The following SIK3 variants were observed in gnomAD, a reference collection of about 807,000 sequenced individuals.
SIK3 encodes the protein SIK family kinase 3.
Under a neutral mutation model 144.2 loss-of-function variants are expected in SIK3, and 28 were observed. The observed-to-expected ratio is 0.19, with a 90% CI of 0.14 to 0.27. SIK3 has a LOEUF of 0.27. Ranked by LOEUF, SIK3 falls within the 10% of genes least tolerant of loss-of-function variation. SIK3 has a pLI of 1.00. For synonymous variants in SIK3, 686 were observed against 676.3 expected, an observed-to-expected ratio of 1.01 and a Z score of -0.22; for missense variants, 1,319 against 1,776.0, an observed-to-expected ratio of 0.74 and a Z score of 4.62.
intron 1 of SIK3, among the ~76,000 whole-genome samples, chr11:117,092,291 AC>A (rs1955283311): frequency 6.6e-6 from 1 of 152,020 alleles, no homozygotes; most frequent in Non-Finnish European, 1.5e-5. Flanking sequence ...CTTTGACCAA[AC>A]CAAACTCACT....
At chr11:117,035,128 A>C (rs1952438402) in intron 1 of SIK3, among the ~76,000 whole-genome samples, 1 of 152,142 alleles carries the variant, frequency 6.6e-6, no homozygotes, top group Non-Finnish European at 1.5e-5. Flanking sequence ...CTTTTTTCAA[A>C]CAATAGGCTA....
chr11:116,980,547 C>T (rs1012940982), intron 1 of SIK3, among the ~76,000 whole-genome samples: 23 of 152,146 alleles, frequency 1.5e-4, no homozygotes, highest in African/African-American at 4.3e-4. Context: ...TTCACACCAT[C>T]GTAAAGTTGA....
At chr11:117,053,269 G>A (rs773268574) in intron 1 of SIK3, among the ~76,000 whole-genome samples, 4 of 151,534 alleles carry the variant, frequency 2.6e-5, no homozygotes, top group Admixed American at 6.6e-5. Flanking sequence ...CCCAGGAGGC[G>A]GAGGTCACAG....
chr11:116,998,005 G>A (rs887535369), intron 1 of SIK3, among the ~76,000 whole-genome samples: 7 of 151,900 alleles, frequency 4.6e-5, no homozygotes, highest in African/African-American at 1.2e-4. Flanking sequence ...GACTACAGGT[G>A]CACACCACCC....
intron 1 of SIK3, among the ~76,000 whole-genome samples, chr11:117,067,533 G>A (rs1954075348): frequency 6.6e-6 from 1 of 152,164 alleles, no homozygotes; most frequent in Non-Finnish European, 1.5e-5. Flanking sequence ...GAGAATGAAT[G>A]CAAACAGTGC....
Position 116,974,556 on chromosome 11 carries a change from C to CTGTTTGTT in SIK3, c.274-17500_274-17493dup, listed in dbSNP as rs141350559. 1.6e-4 allele frequency among the ~76,000 whole-genome samples: 25 copies of CTGTTTGTT among 151,882 alleles called. No individual in the cohort carries two copies. In the South Asian group the frequency reaches 4.6e-3, roughly 28 times the overall value. On this transcript the variant is annotated intron_variant, in intron 1 of 24. Transcript: ENST00000445177. The stretch of plus-strand genomic sequence containing the variant: ...CAGGCATGTGCCACCATAGGGGTTT[C>CTGTTTGTT]TGTTTGTTTGTTTGTTTGTTTTTGT...
rs1244228329 is a variant in SIK3, at chr11:116,954,034, A to G, written c.454+10T>C. On this transcript the variant is annotated intron_variant, in intron 3 of 24. Coordinates refer to ENST00000445177, the MANE Select transcript of SIK3 (RefSeq NM_001366686.3). ...AATAGCTGTTTAAAGAATGCAATAA[A>G]TGTACTTACCAAATATTTCCCCTCC... 1 of 1,611,938 alleles carries G rather than the reference A, an allele frequency of 6.2e-7. No individual in the cohort carries two copies. The highest frequency in any genetic ancestry group is 1.1e-5 in the South Asian group (1 of 90,986).
At chr11:116,944,693 C>G (rs1948490579) in intron 3 of SIK3, among the ~76,000 whole-genome samples, 2 of 152,180 alleles carry the variant, frequency 1.3e-5, no homozygotes, top group African/African-American at 4.8e-5. Flanking sequence ...TATCCTTTAC[C>G]TGTATTAAAC....
intron 22 of SIK3, among the ~76,000 whole-genome samples, chr11:116,848,086 T>G (rs7127590): frequency 0.79 from 120,369 of 152,066 alleles, 48,319 homozygotes; most frequent in Non-Finnish European, 0.84. Flanking sequence ...AGGCTGAGGC[T>G]GGTGGATCAT....
At chr11:116,908,064 C>T (rs1236658297) in intron 4 of SIK3, among the ~76,000 whole-genome samples, 1 of 150,532 alleles carries the variant, frequency 6.6e-6, no homozygotes, top group Non-Finnish European at 1.5e-5. Flanking sequence ...ACAAAAAGTG[C>T]TAATCATAAA....
At chr11:117,058,965 T>A (rs1953677600) in intron 1 of SIK3, among the ~76,000 whole-genome samples, 2 of 152,166 alleles carry the variant, frequency 1.3e-5, no homozygotes, top group Non-Finnish European at 1.5e-5. Flanking sequence ...AGTGACCAAT[T>A]ATGGCATCCA....
intron 6 of SIK3, among the ~76,000 whole-genome samples, chr11:116,881,092 C>T (rs764253315): frequency 6.6e-6 from 1 of 152,016 alleles, no homozygotes; most frequent in African/African-American, 2.4e-5. Flanking sequence ...CCACTGCACT[C>T]CAGCCTGGGC....
At chr11:116,973,968 A>G (rs1949856809) in intron 1 of SIK3, among the ~76,000 whole-genome samples, 1 of 152,230 alleles carries the variant, frequency 6.6e-6, no homozygotes, top group South Asian at 2.1e-4. Context: ...TGACACAGAA[A>G]AAGGACATTT....
At chr11:117,077,489 T>G (rs1954602920) in intron 1 of SIK3, among the ~76,000 whole-genome samples, 2 of 152,226 alleles carry the variant, frequency 1.3e-5, no homozygotes, top group East Asian at 1.9e-4. Context: ...ATTTGCTGAC[T>G]CTTTCTTTTC....
intron 1 of SIK3, among the ~76,000 whole-genome samples, chr11:117,010,293 T>C (rs1951202658): frequency 1.3e-5 from 2 of 152,286 alleles, no homozygotes; most frequent in South Asian, 4.1e-4. Flanking sequence ...GCATGAGTAA[T>C]GAAGGTTTTA....
At chr11:116,977,089 T>C (rs957250552) in intron 1 of SIK3, among the ~76,000 whole-genome samples, 5 of 152,160 alleles carry the variant, frequency 3.3e-5, no homozygotes, top group African/African-American at 9.7e-5. Flanking sequence ...ATCATTATTT[T>C]CCCAAAGCCA....
In SIK3 at chr11:116,902,849, C is replaced by T. The variant is rs113125918; in HGVS notation, c.617-5532G>A. On this transcript the variant is annotated intron_variant, in intron 4 of 24. Transcript: ENST00000445177. ...CAGATTCCTTTAATTACTGAGCCTG[C>T]GGTATCCTAATTCTTTCTTTAACGT... is the stretch of plus-strand genomic sequence containing the variant. 4.9e-3 allele frequency among the ~76,000 whole-genome samples: 743 copies of T among 152,236 alleles called. 12 individuals carry two copies. The highest frequency in any genetic ancestry group is 0.016 in the African/African-American group (679 of 41,536).
intron 14 of SIK3, chr11:116,869,286 G>C (rs1032681529): frequency 6.6e-6 from 1 of 152,254 alleles, no homozygotes; most frequent in African/African-American, 2.4e-5. Flanking sequence ...TTCCACATAG[G>C]ACCAGCTGCT....
intron 1 of SIK3, among the ~76,000 whole-genome samples, chr11:117,017,182 A>T (rs1030636094): frequency 3.3e-5 from 5 of 152,236 alleles, no homozygotes; most frequent in Non-Finnish European, 4.4e-5. Context: ...ACTTCAGGCC[A>T]GGAGGCCAAG....
Sources: allele counts gnomAD v4.1 joint callset (sites outside exome capture counted in the v4.1 genomes callset), GRCh38; gene constraint gnomAD v4.1.1; transcripts MANE v1.5; gene names NCBI Gene and HGNC (gene_info 2026-07-23, HGNC 2026-07-21).